Variants in SLC17A5 observed in about 807,000 individuals in gnomAD.
SLC17A5 encodes the protein solute carrier family 17 member 5.
Under a neutral mutation model 59.4 loss-of-function variants are expected in SLC17A5, and 47 were observed. The ratio of observed to expected loss-of-function variants is 0.79; its 90% CI spans 0.63 to 1.01. The LOEUF is 1.01. SLC17A5 is among the 50% of genes least tolerant of loss of function. The probability of loss-of-function intolerance (pLI) is 0.00; values close to 1 mark genes in which losing one functional copy is unlikely to be tolerated. For missense variants in SLC17A5, 522 were observed against 595.5 expected (o/e 0.88, Z 1.28); for synonymous variants, 202 against 210.7 (o/e 0.96, Z 0.36).
intron 10 of SLC17A5, among the ~76,000 whole-genome samples, chr6:73,598,008 GA>G (rs2150073786): frequency 6.6e-6 from 1 of 152,262 alleles, no homozygotes; most frequent in East Asian, 1.9e-4. Context: ...TTCTGCTGAG[GA>G]ATCAGTCAAT....
intron 7 of SLC17A5, among the ~76,000 whole-genome samples, chr6:73,617,438 A>G (rs1487817684): frequency 6.6e-6 from 1 of 152,260 alleles, no homozygotes; most frequent in Non-Finnish European, 1.5e-5. Flanking sequence ...GTAAAAAAGA[A>G]TAAGCTGTAG....
chr6:73,602,827 C>CT (rs1461597047), intron 9 of SLC17A5, among the ~76,000 whole-genome samples: 4 of 151,712 alleles, frequency 2.6e-5, no homozygotes, highest in Non-Finnish European at 5.9e-5. Context: ...GAAATAACCC[C>CT]TTTTTATAGT....
intron 2 of SLC17A5, among the ~76,000 whole-genome samples, chr6:73,643,761 G>A (rs1769410672): frequency 6.6e-6 from 1 of 152,198 alleles, no homozygotes; most frequent in African/African-American, 2.4e-5. Context: ...ACAGGCATGA[G>A]TCACTGCACC....
rs749567346 is a variant in SLC17A5 at position 73,621,781 on chromosome 6, A to G, written c.978+23T>C. Reference sequence around the variant, plus strand: ...ATGGTCTTATACTATATATATAAGAAGCAGATGATTATTTTTTCTTACCTC... The same window carrying G: ...ATGGTCTTATACTATATATATAAGAGGCAGATGATTATTTTTTCTTACCTC... On this transcript the variant is annotated intron_variant, in intron 7 of 10. Transcript: ENST00000355773. 7 of 1,556,704 alleles carry G rather than the reference A, an allele frequency of 4.5e-6. No homozygotes were observed. In the Admixed American group the frequency reaches 1.0e-4, roughly 23 times the overall value.
At chr6:73,607,367 C>T (rs1239941370) in intron 9 of SLC17A5, among the ~76,000 whole-genome samples, 1 of 151,290 alleles carries the variant, frequency 6.6e-6, no homozygotes, top group Non-Finnish European at 1.5e-5. Flanking sequence ...CTCCCAGGTT[C>T]AAGTGATTTT....
At position 73,626,352 on chromosome 6, in the gene SLC17A5, T is replaced by C. The variant is rs542469749; in HGVS notation, c.820-4390A>G. Among the ~76,000 whole-genome samples, 6 of 152,312 alleles carry C rather than the reference T, an allele frequency of 3.9e-5. No individual in the cohort carries two copies. The South Asian group carries it at 6.2e-4, about 16-fold the overall frequency. On this transcript the variant is annotated intron_variant, in intron 6 of 10. Transcript: ENST00000355773. ...AGGGTTAGAGGCTTAGAAAGAAGAA[T>C]GTGAAATGTATGTATTCCAGCTTAG...
intron 2 of SLC17A5, 115 bp from the exon 3 acceptor site, chr6:73,642,039 G>T: frequency 2.2e-6 from 2 of 900,404 alleles, no homozygotes; most frequent in Non-Finnish European, 3.7e-6. Context: ...ATTTTGGACT[G>T]AAGAACATGC....
Position 73,600,345 on chromosome 6 carries a change from A to C in SLC17A5, c.1350+6T>G. The stretch of plus-strand genomic sequence containing the variant: ...TTTCCAGTTTACAAGTAAATTATCT[A>C]CTTACATCAGGGGTCAGACTTTTAG... On this transcript the variant is annotated splice_donor_region_variant and intron_variant, in intron 10 of 10. Coordinates refer to ENST00000355773, the MANE Select transcript of SLC17A5 (RefSeq NM_012434.5). The C allele has an allele frequency of 6.2e-7, 1 of 1,606,598 alleles. No homozygotes were observed. Among genetic ancestry groups the C allele is most frequent in the Non-Finnish European group, 8.5e-7 (1 of 1,173,234 alleles).
chr6:73,638,511 G>A lies in SLC17A5; in HGVS notation c.526-12C>T. ...GGAAATGTAACACCCTGAGAGAAGG[G>A]AACATGATATTTCTGATGAAATGTA... On this transcript the variant is annotated splice_polypyrimidine_tract_variant and intron_variant, in intron 3 of 10. Transcript: ENST00000355773. The A allele has an allele frequency of 6.3e-7, 1 of 1,596,468 alleles. No individual in the cohort carries two copies. The highest frequency in any genetic ancestry group is 1.1e-5 in the South Asian group (1 of 90,674).
intron 1 of SLC17A5, chr6:73,652,922 G>T: frequency 2.2e-6 from 1 of 464,338 alleles, no homozygotes; most frequent in Non-Finnish European, 2.8e-6. Flanking sequence ...TTGTTCTTTA[G>T]TTTTCGTTAC....
intron 1 of SLC17A5, chr6:73,653,223 A>C: frequency 1.0e-6 from 1 of 985,352 alleles, no homozygotes; most frequent in Non-Finnish European, 1.2e-6. Flanking sequence ...ACAAATGTTA[A>C]CTCCAGTCCT....
At chr6:73,651,030 G>C (rs1769833750) in intron 1 of SLC17A5, among the ~76,000 whole-genome samples, 1 of 152,140 alleles carries the variant, frequency 6.6e-6, no homozygotes, top group Non-Finnish European at 1.5e-5. Context: ...GATGTTAAAG[G>C]ACAACATAAG....
chr6:73,601,849 G>A (rs1168776982), intron 9 of SLC17A5, among the ~76,000 whole-genome samples: 9 of 150,086 alleles, frequency 6.0e-5, no homozygotes, highest in African/African-American at 1.7e-4. Flanking sequence ...CAGCCGCCCC[G>A]TCCGGGAGGT....
Position 73,616,599 on chromosome 6 carries a change from T to C in SLC17A5, c.979-1152A>G, listed in dbSNP as rs1435627883. 4.7e-5 allele frequency among the ~76,000 whole-genome samples: 7 copies of C among 148,466 alleles called. No individual in the cohort carries two copies. In the East Asian group the frequency reaches 1.0e-3, roughly 21 times the overall value. ...CACACACGTTTATTTTTAACAGAAC[T>C]GGAGAGTCTTTTTTTTTTTTTTCTT... On this transcript the variant is annotated intron_variant, in intron 7 of 10. Transcript: ENST00000355773.
At chr6:73,645,540 A>G (rs1769498845) in intron 1 of SLC17A5, 1 of 964,948 alleles carries the variant, frequency 1.0e-6, no homozygotes, top group African/African-American at 1.8e-5. Context: ...TAATCCCAGC[A>G]CTTTGGGAAG....
In SLC17A5 at chr6:73,641,708, GT is replaced by G. The variant is rs386833992; in HGVS notation, c.507del (p.Leu170Ter). The G allele has an allele frequency of 4.3e-5, 69 of 1,612,862 alleles. No individual in the cohort carries two copies. The highest frequency in any genetic ancestry group is 5.7e-5 in the Non-Finnish European group (67 of 1,179,058). Reference protein sequence around the residue: ...LGVGPLIVLRALEGLGEGVTF... With the variant: ...LGVGPLIVLRXLEGLGEGVTF... ...AAAATTACCTCTCCTAGTCCTTCTAGTGCTCTGAGTACAATGAGTGGTCCAA... is the reference window on the plus strand; with the variant it reads ...AAAATTACCTCTCCTAGTCCTTCTAGGCTCTGAGTACAATGAGTGGTCCAA... On this transcript the variant is annotated frameshift_variant, in exon 3 of 11. Transcript: ENST00000355773. LOFTEE classifies it high-confidence loss of function.
At chr6:73,630,731 C>G (rs1458029988) in intron 6 of SLC17A5, among the ~76,000 whole-genome samples, 1 of 152,098 alleles carries the variant, frequency 6.6e-6, no homozygotes, top group African/African-American at 2.4e-5. Context: ...ATCACTCTTT[C>G]TCTCAGGAAA....
chr6:73,644,454 C>T lies in SLC17A5; in HGVS notation c.244G>A (p.Ala82Thr), dbSNP rs199727701. The change falls in exon 2 of 11, where the codon GCG becomes ACG. Residue 82 changes from alanine to threonine, a missense_variant. Ala to Thr is a moderately conservative substitution (Grantham distance 58). This residue lies in a region of SLC17A5 where 338 missense variants were observed against 363.8 expected (regional missense o/e 0.93). Transcript: ENST00000355773. ...ATGGGAGCAGAATGCTCTGGACACG[C>T]CTTGGAAGTTCTATTATCTTCTAAA... ...TTLEDNRTSK[A>T]CPEHSAPIKV... 6.2e-7 allele frequency: 1 copy of T among 1,614,040 alleles called. No individual in the cohort carries two copies. Among genetic ancestry groups the T allele is most frequent in the African/African-American group, 1.3e-5 (1 of 75,034 alleles).
intron 9 of SLC17A5, among the ~76,000 whole-genome samples, chr6:73,608,096 T>C (rs2150084687): frequency 6.6e-6 from 1 of 152,238 alleles, no homozygotes; most frequent in Non-Finnish European, 1.5e-5. Context: ...TCATGTTTAT[T>C]TACATCTTCA....
Sources: gnomAD v4.1 joint callset for allele counts (sites outside exome capture counted in the v4.1 genomes callset) on GRCh38, gnomAD v4.1.1 for gene constraint, gnomAD v4.1.1 regional missense constraint, MANE v1.5 for transcripts, NCBI Gene and HGNC (gene_info 2026-07-23, HGNC 2026-07-21) for gene names.